Variants in ZFHX3 observed in about 807,000 individuals in gnomAD.
The protein encoded by ZFHX3 is zinc finger homeobox 3.
Under a neutral mutation model 279.1 loss-of-function variants are expected in ZFHX3, and 42 were observed. The observed-to-expected ratio is 0.15, with a 90% CI of 0.12 to 0.19. The LOEUF is 0.19. ZFHX3 is among the 10% of genes least tolerant of loss of function. ZFHX3 has a pLI of 1.00. For synonymous variants in ZFHX3, 2,293 were observed against 1,957.8 expected (o/e 1.17, Z -4.52); for missense variants, 4,981 against 4,754.0 (o/e 1.05, Z -1.40).
intron 4 of ZFHX3, among the ~76,000 whole-genome samples, chr16:72,852,095 T>C (rs1663436265): frequency 6.6e-6 from 1 of 152,184 alleles, no homozygotes; most frequent in African/African-American, 2.4e-5. Flanking sequence ...ACAGAAATTG[T>C]CTAAAACAAA....
intron 7 of ZFHX3, chr16:73,123,295 T>A (rs1371454806): frequency 1.4e-5 from 2 of 147,092 alleles, no homozygotes; most frequent in East Asian, 4.0e-4. Flanking sequence ...TGGGTTATAC[T>A]ACTCACGGGA....
At chr16:72,917,145 G>A (rs2144216370) in intron 3 of ZFHX3, among the ~76,000 whole-genome samples, 1 of 152,312 alleles carries the variant, frequency 6.6e-6, no homozygotes, top group African/African-American at 2.4e-5. Context: ...GGAGGCTGAG[G>A]TGGAAGGATT....
At chr16:73,492,061 C>A (rs1308552844) in intron 2 of ZFHX3, among the ~76,000 whole-genome samples, 2 of 152,188 alleles carry the variant, frequency 1.3e-5, no homozygotes, top group African/African-American at 4.8e-5. Flanking sequence ...ATCTGTATAT[C>A]CAAATGCTAC....
At chr16:73,131,998 G>A (rs1966692258) in intron 6 of ZFHX3, among the ~76,000 whole-genome samples, 1 of 152,076 alleles carries the variant, frequency 6.6e-6, no homozygotes, top group Admixed American at 6.6e-5. Context: ...ATGCAAGAGG[G>A]ATGAGGGTCC....
At chr16:73,486,699 T>A in intron 2 of ZFHX3, 1 of 434,144 alleles carries the variant, frequency 2.3e-6, no homozygotes, top group South Asian at 1.6e-5. Flanking sequence ...CCCAGGACTT[T>A]CCTGGTTTCC....
intron 5 of ZFHX3, among the ~76,000 whole-genome samples, chr16:73,170,223 GTTTTTTT>G (rs1156523996): frequency 1.4e-4 from 8 of 57,748 alleles, no homozygotes; most frequent in South Asian, 9.5e-4. Context: ...CCTTTCACTA[GTTTTTTT>G]TTTTTTTTTT....
intron 4 of ZFHX3, among the ~76,000 whole-genome samples, chr16:72,842,698 T>C (rs573885464): frequency 1.3e-5 from 2 of 152,156 alleles, no homozygotes; most frequent in Non-Finnish European, 2.9e-5. Flanking sequence ...CCAGGTAAGG[T>C]TATATCTTAA....
intron 1 of ZFHX3, among the ~76,000 whole-genome samples, chr16:73,842,500 CCTATGCTCCAT>C (rs1356385475): frequency 3.9e-5 from 6 of 152,062 alleles, no homozygotes; most frequent in African/African-American, 7.2e-5. Context: ...CAGTCTCCAG[CCTATGCTCCAT>C]ATCCCCATAC....
intron 2 of ZFHX3, among the ~76,000 whole-genome samples, chr16:73,606,345 G>GCC (rs752076040): frequency 6.6e-6 from 1 of 151,830 alleles, no homozygotes; most frequent in Non-Finnish European, 1.5e-5. Flanking sequence ...AATTAGCCAG[G>GCC]CGTGGTGGTG....
At chr16:73,145,289 G>A (rs1410514542) in intron 5 of ZFHX3, among the ~76,000 whole-genome samples, 2 of 152,242 alleles carry the variant, frequency 1.3e-5, no homozygotes, top group South Asian at 2.1e-4. Context: ...CATGATCAAA[G>A]TCAGGGGTCA....
chr16:73,229,403 ACTAT>A (rs1567424164), intron 5 of ZFHX3, among the ~76,000 whole-genome samples: 2 of 152,242 alleles, frequency 1.3e-5, no homozygotes, highest in Admixed American at 6.5e-5. Flanking sequence ...GGAGAAAATA[ACTAT>A]CTATTTTTAG....
intron 4 of ZFHX3, among the ~76,000 whole-genome samples, chr16:72,856,849 T>TG: frequency 6.6e-6 from 1 of 151,850 alleles, no homozygotes; most frequent in Non-Finnish European, 1.5e-5. Context: ...GTCAAGTGAG[T>TG]GGGGCCTGGC....
chr16:73,694,674 T>C (rs1293313478), intron 1 of ZFHX3, among the ~76,000 whole-genome samples: 1 of 152,202 alleles, frequency 6.6e-6, no homozygotes, highest in East Asian at 1.9e-4. Context: ...GTGTTTTCAG[T>C]TTCTTTTAGT....
intron 1 of ZFHX3, among the ~76,000 whole-genome samples, chr16:73,748,966 T>C (rs1389303899): frequency 1.3e-5 from 2 of 151,976 alleles, no homozygotes; most frequent in African/African-American, 2.4e-5. Context: ...TTTTGTACAT[T>C]TAGTAGAGAC....
At chr16:73,763,700 A>G (rs1206971945) in intron 1 of ZFHX3, among the ~76,000 whole-genome samples, 1 of 152,126 alleles carries the variant, frequency 6.6e-6, no homozygotes, top group Non-Finnish European at 1.5e-5. Flanking sequence ...AATGGTGACA[A>G]GATTTTGTAG....
intron 2 of ZFHX3, among the ~76,000 whole-genome samples, chr16:73,553,152 A>G (rs2020225676): frequency 6.6e-6 from 1 of 151,990 alleles, no homozygotes; most frequent in Admixed American, 6.6e-5. Context: ...AATGTTTCCC[A>G]ATGTTTTAAA....
intron 7 of ZFHX3, among the ~76,000 whole-genome samples, chr16:73,101,339 C>T (rs909965620): frequency 2.0e-5 from 3 of 152,160 alleles, no homozygotes; most frequent in Admixed American, 6.5e-5. Flanking sequence ...AATTTGAGAA[C>T]ATTGTCTTTT....
chr16:73,662,283 G>A (rs564889274), intron 2 of ZFHX3, among the ~76,000 whole-genome samples: 12 of 152,022 alleles, frequency 7.9e-5, no homozygotes, highest in Admixed American at 6.5e-4. Context: ...GATTTTTTTG[G>A]CTTCATACAC....
At position 72,798,170 on chromosome 16, in the gene ZFHX3, G is replaced by A. The variant is rs2143463083; in HGVS notation, c.4512C>T (p.Ser1504=). Residue 1504 remains serine, a synonymous_variant, in exon 9 of 10, where the codon AGC becomes AGT. Transcript: ENST00000268489. ...CTGACCCAGAGTCACTGCCCGTTGG[G>A]CTCTGTTTATCTTCCAAGTCACTCT... is the stretch of plus-strand genomic sequence containing the variant. ...EEESDLEDKQ[S]PTGSDSGSVQ... 3.1e-6 allele frequency: 5 copies of A among 1,614,160 alleles called. No individual in the cohort carries two copies. Among genetic ancestry groups the A allele is most frequent in the Admixed American group, 1.7e-5 (1 of 60,022 alleles).
Sources: allele counts gnomAD v4.1 joint callset (sites outside exome capture counted in the v4.1 genomes callset), GRCh38; gene constraint gnomAD v4.1.1; transcripts MANE v1.5; gene names NCBI Gene and HGNC (gene_info 2026-07-23, HGNC 2026-07-21).